TEX2: variants seen among roughly 807,000 people sequenced by gnomAD.
TEX2 encodes the protein testis-expressed protein 2.
Under a neutral mutation model 106.9 loss-of-function variants are expected in TEX2, and 53 were observed. The ratio of observed to expected loss-of-function variants is 0.50; its 90% CI spans 0.40 to 0.62. TEX2 has a LOEUF of 0.62. Among genes scored for constraint, TEX2 ranks in the 20% least tolerant of loss-of-function variants. The probability of loss-of-function intolerance (pLI) is 0.00; values close to 1 mark genes in which losing one functional copy is unlikely to be tolerated. For missense variants in TEX2, 1,207 were observed against 1,379.0 expected, an observed-to-expected ratio of 0.88 and a Z score of 1.98; for synonymous variants, 523 against 534.8, an observed-to-expected ratio of 0.98 and a Z score of 0.30.
intron 9 of TEX2, among the ~76,000 whole-genome samples, chr17:64,154,407 A>G (rs2030511054): frequency 1.3e-5 from 2 of 152,256 alleles, no homozygotes; most frequent in South Asian, 4.1e-4. Context: ...CAGCTCAGTC[A>G]TCAGCGCTTT....
intron 1 of TEX2, among the ~76,000 whole-genome samples, chr17:64,215,982 C>G (rs1339064880): frequency 6.6e-6 from 1 of 152,190 alleles, no homozygotes; most frequent in Non-Finnish European, 1.5e-5. Context: ...AAGGGCCCAG[C>G]TGCAACATGG....
intron 6 of TEX2, among the ~76,000 whole-genome samples, chr17:64,174,335 C>A (rs551535372): frequency 2.0e-5 from 3 of 150,446 alleles, no homozygotes; most frequent in African/African-American, 7.4e-5. Context: ...ACCTGAAGGA[C>A]CTGGGGACTG....
intron 1 of TEX2, among the ~76,000 whole-genome samples, chr17:64,250,841 C>A (rs1209301417): frequency 6.6e-6 from 1 of 151,984 alleles, no homozygotes; most frequent in Non-Finnish European, 1.5e-5. Context: ...GTCACCATGC[C>A]CAGCTAATTT....
chr17:64,181,215 T>C (rs1042545686), intron 5 of TEX2, among the ~76,000 whole-genome samples: 3 of 152,132 alleles, frequency 2.0e-5, no homozygotes, highest in Admixed American at 6.5e-5. Context: ...TGGTGGTTCA[T>C]GCCTGTAATC....
Position 64,212,835 on chromosome 17 carries a change from C to T in TEX2, c.1383G>A (p.Glu461=). The T allele has an allele frequency of 6.2e-7, 1 of 1,614,084 alleles. No individual in the cohort carries two copies. Among genetic ancestry groups the T allele is most frequent in the Non-Finnish European group, 8.5e-7 (1 of 1,180,040 alleles). ...CCGGGTGCTGCACGGCCGAGTCCAC[C>T]TCGTCCTCACTGTCAAGGACCACAC... ...EDGVVLDSED[E]VDSAVQHPEL... The change falls in exon 2 of 12, where the codon GAG becomes GAA. Residue 461 remains glutamate, a synonymous_variant. Transcript: ENST00000584379.
At position 64,153,265 on chromosome 17, in the gene TEX2, TGTGGTGA is replaced by T; in HGVS notation, c.2931-118_2931-112del. On this transcript the variant is annotated intron_variant, in intron 9 of 11. Coordinates refer to ENST00000584379, the MANE Select transcript of TEX2 (RefSeq NM_001288732.2). The surrounding 1 kb of genome is among the most constrained non-coding windows in gnomAD (Gnocchi z 4.1). ...TTAGAGCACCACTCGATGTTTTGGA[TGTGGTGA>T]TTCTGTGTTGGGGCGGGGGGCATCC... is the stretch of plus-strand genomic sequence containing the variant. 1 of 760,872 alleles carries T rather than the reference TGTGGTGA, an allele frequency of 1.3e-6. No homozygotes were observed. Among genetic ancestry groups the T allele is most frequent in the Non-Finnish European group, 2.2e-6 (1 of 459,700 alleles). 47.1% of individuals were successfully genotyped at this position (760,872 alleles called of 1,614,324 possible).
chr17:64,149,264 A>C (rs2030220369), intron 11 of TEX2, 173 bp from the exon 12 acceptor site: 3 of 658,182 alleles, frequency 4.6e-6, no homozygotes, highest in Non-Finnish European at 7.4e-6. Context: ...GAGTTGAGGA[A>C]TCATACCAGC....
At chr17:64,261,845 T>C (rs2034292344) in intron 1 of TEX2, among the ~76,000 whole-genome samples, 1 of 152,222 alleles carries the variant, frequency 6.6e-6, no homozygotes, top group African/African-American at 2.4e-5. Flanking sequence ...AGAATATTGT[T>C]TATGGGCTAG....
At chr17:64,259,710 G>C (rs2034254678) in intron 1 of TEX2, among the ~76,000 whole-genome samples, 1 of 152,162 alleles carries the variant, frequency 6.6e-6, no homozygotes, top group South Asian at 2.1e-4. Context: ...CCTGTCAGTG[G>C]ACAGCATGAC....
At position 64,217,333 on chromosome 17, in the gene TEX2, G is replaced by A. The variant is rs1353025637; in HGVS notation, c.-25-3091C>T. 6.6e-6 allele frequency among the ~76,000 whole-genome samples: 1 copy of A among 152,138 alleles called. No individual in the cohort carries two copies. Among genetic ancestry groups the A allele is most frequent in the Non-Finnish European group, 1.5e-5 (1 of 68,030 alleles). The stretch of plus-strand genomic sequence containing the variant: ...CCCTCCCACAGCCACAGCCATGCAG[G>A]ACAGCCAAGGCCAAGAGGAAGGACC... On this transcript the variant is annotated intron_variant, in intron 1 of 11. Transcript: ENST00000584379. This position sits in a 1 kb window ranked among gnomAD's most constrained non-coding sequence, Gnocchi z 4.3.
Position 64,173,256 on chromosome 17 carries a change from G to C in TEX2, c.2572-2057C>G, listed in dbSNP as rs558988168. On this transcript the variant is annotated intron_variant, in intron 6 of 11. Coordinates refer to ENST00000584379, the MANE Select transcript of TEX2 (RefSeq NM_001288732.2). ...ACTTTATAATATACTTTTAAATCTG[G>C]CAAGTCCCTCTCCTTTTTTTTTCTC... Among the ~76,000 whole-genome samples the C allele has an allele frequency of 2.0e-5, 3 of 151,984 alleles. No individual in the cohort carries two copies. In the South Asian group the frequency reaches 6.2e-4, roughly 32 times the overall value.
At chr17:64,198,299 T>C (rs1330467228) in intron 2 of TEX2, among the ~76,000 whole-genome samples, 2 of 151,280 alleles carry the variant, frequency 1.3e-5, no homozygotes, top group Non-Finnish European at 2.9e-5. Flanking sequence ...CAGAAAATAC[T>C]GTCTTACATA....
chr17:64,151,780 A>C (rs2030369564), intron 10 of TEX2, among the ~76,000 whole-genome samples: 1 of 152,184 alleles, frequency 6.6e-6, no homozygotes, highest in African/African-American at 2.4e-5. Context: ...AAAACTGATA[A>C]ATCTAAAGAA....
In TEX2 at chr17:64,171,182, A is replaced by G; in HGVS notation, c.2589T>C (p.Asn863=). The G allele has an allele frequency of 6.2e-7, 1 of 1,613,550 alleles. No homozygotes were observed. Among genetic ancestry groups the G allele is most frequent in the South Asian group, 1.1e-5 (1 of 91,054 alleles). The change falls in exon 7 of 12, where the codon AAT becomes AAC. Residue 863 remains asparagine (N), a synonymous_variant. Transcript: ENST00000584379. ...LSKIKLPYFM[N]ELTLTELDMG... is the part of the protein sequence containing the mutation. Reference sequence around the variant, plus strand: ...TGTCAAGTTCCGTCAGAGTGAGCTCATTCATAAAGTAGGGGAGCTAGAGGA... The same window carrying G: ...TGTCAAGTTCCGTCAGAGTGAGCTCGTTCATAAAGTAGGGGAGCTAGAGGA...
intron 1 of TEX2, among the ~76,000 whole-genome samples, chr17:64,247,456 G>A (rs900831444): frequency 6.6e-6 from 1 of 152,122 alleles, no homozygotes; most frequent in African/African-American, 2.4e-5. Context: ...ACCTGGCTAG[G>A]ATGACGTGTA....
chr17:64,196,982 A>ATTTTT (rs59960456), intron 2 of TEX2, among the ~76,000 whole-genome samples: 3,756 of 63,378 alleles, frequency 0.059, 350 homozygotes, highest in African/African-American at 0.1. Flanking sequence ...TCAAATCAAG[A>ATTTTT]TTTTTTTTTT....
At position 64,213,863 on chromosome 17, in the gene TEX2, A is replaced by C. The variant is rs1555632184; in HGVS notation, c.355T>G (p.Ser119Ala). 1.2e-6 allele frequency: 2 copies of C among 1,614,022 alleles called. No homozygotes were observed. Among genetic ancestry groups the C allele is most frequent in the Non-Finnish European group, 1.7e-6 (2 of 1,179,992 alleles). The change falls in exon 2 of 12, where the codon TCC becomes GCC. Residue 119 changes from serine (S) to alanine (A), a missense_variant. Around this residue, in one of 3 missense-constraint regions of TEX2, gnomAD observed 1,067 missense variants for 1,193.6 expected, o/e 0.89. Coordinates refer to ENST00000584379, the MANE Select transcript of TEX2 (RefSeq NM_001288732.2). The surrounding 1 kb of genome is among the most constrained non-coding windows in gnomAD (Gnocchi z 4.4). ...AATACTTGTGCTGCTGGAACAGGGG[A>C]CTCCAACAGCTTTACAGTGTTCTTG... ...VSKNTVKLLE[S>A]PVPAAQVLST...
intron 2 of TEX2, among the ~76,000 whole-genome samples, chr17:64,210,729 A>C (rs2032976819): frequency 7.0e-6 from 1 of 142,770 alleles, no homozygotes; most frequent in East Asian, 2.2e-4. Flanking sequence ...AATACCTTTA[A>C]TTTAACTAAG....
chr17:64,148,778 C>T lies in TEX2; in HGVS notation c.*191G>A. The T allele has an allele frequency of 1.6e-6, 1 of 637,322 alleles. No individual in the cohort carries two copies. The highest frequency in any genetic ancestry group is 2.3e-5 in the South Asian group (1 of 43,568). The allele number at this position is 637,322 out of a possible 1,614,324, so 39.5% of individuals were successfully genotyped here. A position where few individuals can be genotyped will look rare whatever the true frequency, so the allele number is the denominator to read the frequency against. On this transcript the variant is annotated 3_prime_UTR_variant, in exon 12 of 12. Coordinates refer to ENST00000584379, the MANE Select transcript of TEX2 (RefSeq NM_001288732.2). ...AAATCAAAGCTTTGCAGCAGGCAAT[C>T]CAGACAGTTGTCACTAGATGCAGGG...
Sources: allele counts gnomAD v4.1 joint callset (sites outside exome capture counted in the v4.1 genomes callset), GRCh38; gene constraint gnomAD v4.1.1; regional missense constraint gnomAD v4.1.1; non-coding constraint Gnocchi (gnomAD v3.1); transcripts MANE v1.5; gene names NCBI Gene and HGNC (gene_info 2026-07-23, HGNC 2026-07-21).